Variants in KMT2E observed in about 807,000 individuals in gnomAD.
KMT2E encodes the protein histone reader KMT2E.
KMT2E carries 30 observed loss-of-function variants against 184.6 expected under a neutral mutation model. The observed-to-expected ratio is 0.16, with a 90% CI of 0.12 to 0.22. The LOEUF is 0.22. Ranked by LOEUF, KMT2E falls within the 10% of genes least tolerant of loss-of-function variation. The pLI is 1.00. For synonymous variants in KMT2E, 815 were observed against 776.5 expected (o/e 1.05, Z -0.82); for missense variants, 2,023 against 2,237.4 (o/e 0.90, Z 1.93).
Position 105,014,240 on chromosome 7 carries a change from G to A in KMT2E, c.-484G>A. 1 of 187,588 alleles carries A rather than the reference G, an allele frequency of 5.3e-6. No individual in the cohort carries two copies. The highest frequency in any genetic ancestry group is 1.2e-4 in the South Asian group (1 of 8,554). The allele number at this position is 187,588 out of a possible 1,614,324, so 11.6% of individuals were successfully genotyped here. A position where few individuals can be genotyped will look rare whatever the true frequency, so the allele number is the denominator to read the frequency against. Reference sequence around the variant, plus strand: ...GCAGTGACACTGAGCGGGCGCAGGGGGCCGAGTCGGAGACCGTGCCGGAGT... The same window carrying A: ...GCAGTGACACTGAGCGGGCGCAGGGAGCCGAGTCGGAGACCGTGCCGGAGT... On this transcript the variant is annotated 5_prime_UTR_variant, in exon 1 of 27. Coordinates refer to ENST00000311117, the MANE Select transcript of KMT2E (RefSeq NM_182931.3).
At chr7:105,110,408 T>TA (rs1799168227) in intron 24 of KMT2E, 40 bp downstream of exon 24, 2 of 1,613,676 alleles carry the variant, frequency 1.2e-6, no homozygotes, top group Admixed American at 3.3e-5. Flanking sequence ...TGGAATCAGT[T>TA]AATCACTCTG....
intron 1 of KMT2E, among the ~76,000 whole-genome samples, chr7:105,018,382 A>G (rs969425031): frequency 6.6e-6 from 1 of 152,338 alleles, no homozygotes; most frequent in African/African-American, 2.4e-5. Context: ...AATAATGTGT[A>G]AAAGCTTTTA....
chr7:105,083,726 C>A (rs1055378248), intron 13 of KMT2E, among the ~76,000 whole-genome samples: 2 of 152,126 alleles, frequency 1.3e-5, no homozygotes, highest in African/African-American at 2.4e-5. Flanking sequence ...CTTTCCCCCC[C>A]CAGAATAGGA....
chr7:105,077,280 C>T (rs1797570934), intron 10 of KMT2E, 23 bp from the exon 11 acceptor site: 1 of 1,603,732 alleles, frequency 6.2e-7, no homozygotes. Flanking sequence ...TTTATTTAAT[C>T]TCAACATTTA....
chr7:105,095,961 A>G (rs1244027349), intron 15 of KMT2E, among the ~76,000 whole-genome samples: 1 of 152,166 alleles, frequency 6.6e-6, no homozygotes, highest in Non-Finnish European at 1.5e-5. Flanking sequence ...TTAAATACTA[A>G]AAGAGACTTG....
intron 13 of KMT2E, among the ~76,000 whole-genome samples, chr7:105,087,421 C>CT (rs1251903238): frequency 2.1e-4 from 31 of 146,266 alleles, no homozygotes; most frequent in South Asian, 8.6e-4. Context: ...AGGTCTTTTT[C>CT]TTTTTTTTTG....
At chr7:105,056,292 G>A (rs750334591) in intron 3 of KMT2E, among the ~76,000 whole-genome samples, 5 of 152,172 alleles carry the variant, frequency 3.3e-5, no homozygotes, top group Non-Finnish European at 7.3e-5. Context: ...TGTGTCAGAT[G>A]TTTATGTTAT....
intron 3 of KMT2E, among the ~76,000 whole-genome samples, chr7:105,051,568 C>A (rs538614496): frequency 5.2e-4 from 79 of 152,276 alleles, no homozygotes; most frequent in Middle Eastern, 3.4e-3. Flanking sequence ...TTCCCCTTAA[C>A]CCCTATGTCT....
In KMT2E at chr7:105,109,140, G is replaced by C; in HGVS notation, c.3667G>C (p.Val1223Leu). 6.2e-7 allele frequency: 1 copy of C among 1,614,170 alleles called. No homozygotes were observed. The highest frequency in any genetic ancestry group is 8.5e-7 in the Non-Finnish European group (1 of 1,180,014). ...ASLPLPTPAT[V>L]YNATSEETSN... ...CCTACCTTTACCAACACCAGCTACAGTTTATAATGCCACTTCTGAAGAAAC... is the reference window on the plus strand; with the variant it reads ...CCTACCTTTACCAACACCAGCTACACTTTATAATGCCACTTCTGAAGAAAC... Residue 1223 changes from valine (V) to leucine (L), a missense_variant, in exon 23 of 27, where the codon GTT becomes CTT. Around this residue, in one of 8 missense-constraint regions of KMT2E, gnomAD observed 1,108 missense variants for 1,050.9 expected, o/e 1.05. Transcript: ENST00000311117.
At position 105,113,455 on chromosome 7, in the gene KMT2E, T is replaced by C; in HGVS notation, c.*122T>C. ...CTTTGTATAAAAAACACCAGTGCTC[T>C]TTCGTTGTATTTTTCTCATTTTTGC... On this transcript the variant is annotated 3_prime_UTR_variant, in exon 27 of 27. Coordinates refer to ENST00000311117, the MANE Select transcript of KMT2E (RefSeq NM_182931.3). The C allele has an allele frequency of 9.3e-7, 1 of 1,077,402 alleles. No homozygotes were observed. The highest frequency in any genetic ancestry group is 1.3e-6 in the Non-Finnish European group (1 of 785,540). The allele number at this position is 1,077,402 out of a possible 1,614,324, so 66.7% of individuals were successfully genotyped here.
At position 105,076,101 on chromosome 7, in the gene KMT2E, G is replaced by A. The variant is rs201578626; in HGVS notation, c.768+20G>A. 14 of 1,549,734 alleles carry A rather than the reference G, an allele frequency of 9.0e-6. No individual in the cohort carries two copies. The Admixed American group carries it at 2.0e-4, about 22-fold the overall frequency. On this transcript the variant is annotated intron_variant, in intron 9 of 26. Coordinates refer to ENST00000311117, the MANE Select transcript of KMT2E (RefSeq NM_182931.3). ...GTTAAGGTAAATACATTAATTTTAA[G>A]GTGTTGTTATCAACTGTCATTTATT...
chr7:105,041,565 T>C (rs1322468656), intron 3 of KMT2E, among the ~76,000 whole-genome samples: 1 of 152,134 alleles, frequency 6.6e-6, no homozygotes, highest in Non-Finnish European at 1.5e-5. Context: ...CACGCCCAGC[T>C]AATTTTTGTG....
Position 105,076,997 on chromosome 7 carries a change from G to A in KMT2E, c.803G>A (p.Gly268Asp), listed in dbSNP as rs1797556993. ...CCAGAGATTGATCCTTCATCTGATG[G>A]TTCAAATTTTGGATGGGAGACAAAG... is the stretch of plus-strand genomic sequence containing the variant. ...SAPEIDPSSD[G>D]SNFGWETKIK... The change falls in exon 10 of 27, where the codon GGT becomes GAT. Residue 268 changes from glycine (G) to aspartate (D), a missense_variant. This residue lies in a region of KMT2E where 191 missense variants were observed against 209.0 expected (regional missense o/e 0.91). Transcript: ENST00000311117. 6.2e-7 allele frequency: 1 copy of A among 1,605,808 alleles called. No individual in the cohort carries two copies. Among genetic ancestry groups the A allele is most frequent in the Non-Finnish European group, 8.5e-7 (1 of 1,175,370 alleles).
intron 17 of KMT2E, 25 bp from the exon 18 acceptor site, chr7:105,105,414 G>A (rs376441324): frequency 2.7e-5 from 42 of 1,533,122 alleles, no homozygotes; most frequent in Non-Finnish European, 3.4e-5. Flanking sequence ...CATATATAAT[G>A]ATCCAATTTT....
At chr7:105,061,863 G>C (rs1796827354) in intron 3 of KMT2E, 1 of 220,764 alleles carries the variant, frequency 4.5e-6, no homozygotes, top group Non-Finnish European at 8.8e-6. Context: ...CCCTTTGCTA[G>C]TTTTCTCAGT....
intron 13 of KMT2E, among the ~76,000 whole-genome samples, chr7:105,087,284 G>GATATAAT (rs1554396448): frequency 1.4e-5 from 2 of 143,868 alleles, no homozygotes; most frequent in South Asian, 2.1e-4. Context: ...ATATAAATAT[G>GATATAAT]ATATAATATA....
intron 26 of KMT2E, 187 bp downstream of exon 26, chr7:105,111,055 A>T: frequency 3.4e-6 from 2 of 580,192 alleles, no homozygotes; most frequent in Non-Finnish European, 6.1e-6. Context: ...CATGTGATGG[A>T]TAACTCTGAC....
chr7:105,105,803 C>A, intron 18 of KMT2E, 56 bp from the exon 19 acceptor site: 1 of 1,578,684 alleles, frequency 6.3e-7, no homozygotes, highest in South Asian at 1.2e-5. Context: ...TATTTACAGG[C>A]TATATAAACA....
chr7:105,026,785 G>T (rs1795193050), intron 1 of KMT2E, among the ~76,000 whole-genome samples: 1 of 152,134 alleles, frequency 6.6e-6, no homozygotes, highest in Admixed American at 6.6e-5. Context: ...TGAGAAACTG[G>T]TAATTATCAT....
Sources: allele counts gnomAD v4.1 joint callset (sites outside exome capture counted in the v4.1 genomes callset), GRCh38; gene constraint gnomAD v4.1.1; regional missense constraint gnomAD v4.1.1; transcripts MANE v1.5; gene names NCBI Gene and HGNC (gene_info 2026-07-23, HGNC 2026-07-21).